Variants in SLC44A5 observed in about 807,000 individuals in gnomAD.
The protein encoded by SLC44A5 is solute carrier family 44 member 5.
A neutral mutation model predicts 101.8 loss-of-function variants in SLC44A5; 57 were observed. The ratio of observed to expected loss-of-function variants is 0.56; its 90% CI spans 0.45 to 0.70. The LOEUF (loss-of-function observed/expected upper bound fraction) is 0.70. Ranked by LOEUF, SLC44A5 falls within the 30% of genes least tolerant of loss-of-function variation. SLC44A5 has a pLI of 0.00. For synonymous variants in SLC44A5, 281 were observed against 290.9 expected (o/e 0.97, Z 0.35); for missense variants, 737 against 853.1 (o/e 0.86, Z 1.70).
Position 75,316,022 on chromosome 1 carries a change from C to T in SLC44A5, c.102-15337G>A, listed in dbSNP as rs369938910. Among the ~76,000 whole-genome samples the T allele has an allele frequency of 3.4e-4, 52 of 152,326 alleles. 1 individual carries two copies. The highest frequency in any genetic ancestry group is 1.1e-3 in the African/African-American group (47 of 41,574). On this transcript the variant is annotated intron_variant, in intron 4 of 23. Transcript: ENST00000370859. Reference sequence around the variant, plus strand: ...GAGTGATAGCACAGCCTCCAGACAGCGTCTTGCCCTTTTTGGCCCCTAATC... The same window carrying T: ...GAGTGATAGCACAGCCTCCAGACAGTGTCTTGCCCTTTTTGGCCCCTAATC...
At chr1:75,650,636 T>G in the SLC44A5 span, among the ~76,000 whole-genome samples, 1 of 152,246 alleles carries the variant, frequency 6.6e-6, no homozygotes, top group South Asian at 2.1e-4. Flanking sequence ...ATAAGTCTTA[T>G]TAGAATGACA....
At chr1:75,684,045 C>T in the SLC44A5 span, among the ~76,000 whole-genome samples, 4 of 152,066 alleles carry the variant, frequency 2.6e-5, no homozygotes, top group Non-Finnish European at 5.9e-5. Context: ...CTGGGAAGAC[C>T]TCACAATTAT....
In SLC44A5 at chr1:75,271,356, T is replaced by C. The variant is rs1570530702; in HGVS notation, c.260+3602A>G. Among the ~76,000 whole-genome samples, 4 of 152,098 alleles carry C rather than the reference T, an allele frequency of 2.6e-5. No individual in the cohort carries two copies. The South Asian group carries it at 8.3e-4, about 31-fold the overall frequency. The stretch of plus-strand genomic sequence containing the variant: ...ATTTTTGGTTCCATGGATGAATTCT[T>C]AGGTGGTGAATTCTGAGATTTTAGC... On this transcript the variant is annotated intron_variant, in intron 6 of 23. Transcript: ENST00000370859.
intron 3 of SLC44A5, among the ~76,000 whole-genome samples, chr1:75,388,048 C>G (rs1280852111): frequency 7.9e-6 from 1 of 126,286 alleles, no homozygotes; most frequent in Non-Finnish European, 1.6e-5. Flanking sequence ...ATATCACACT[C>G]TGGTGACTGT....
rs1671346604 is a variant in SLC44A5, at chr1:75,541,354, T to C, written c.13+81A>G. On this transcript the variant is annotated intron_variant, in intron 2 of 23. Coordinates refer to ENST00000370859, the MANE Select transcript of SLC44A5 (RefSeq NM_001130058.2). ...TAGTATATACTCATTTTTCTATTTG[T>C]CCTTATTTAATATTAAATAAAAAAG... 10 of 1,072,176 alleles carry C rather than the reference T, an allele frequency of 9.3e-6. No individual in the cohort carries two copies. In the South Asian group the frequency reaches 1.1e-4, roughly 11 times the overall value. The allele number at this position is 1,072,176 out of a possible 1,614,324, so 66.4% of individuals were successfully genotyped here.
intron 3 of SLC44A5, 114 bp downstream of exon 3, chr1:75,396,469 T>G (rs1033778474): frequency 2.2e-6 from 2 of 913,170 alleles, no homozygotes; most frequent in East Asian, 4.9e-5. Flanking sequence ...TCAGCAATTA[T>G]TCTTTACCAA....
In SLC44A5 at chr1:75,214,695, C is replaced by A; in HGVS notation, c.1729-17G>T. ...TATTGCAATCTGAGGAAGACAGTGG[C>A]TATTATTCTGGAGCCAGTAACATAC... On this transcript the variant is annotated splice_polypyrimidine_tract_variant and intron_variant, in intron 19 of 23. Transcript: ENST00000370859. 2 of 1,605,144 alleles carry A rather than the reference C, an allele frequency of 1.2e-6. No individual in the cohort carries two copies. Among genetic ancestry groups the A allele is most frequent in the Middle Eastern group, 1.7e-4 (1 of 6,028 alleles).
At chr1:75,576,013 G>C in intron 1 of SLC44A5, among the ~76,000 whole-genome samples, 1 of 151,798 alleles carries the variant, frequency 6.6e-6, no homozygotes, top group East Asian at 1.9e-4. Flanking sequence ...TAGCCAAAAT[G>C]AGAACGGTTG....
chr1:75,497,717 T>C lies in SLC44A5; in HGVS notation c.13+43718A>G, dbSNP rs573620145. The stretch of plus-strand genomic sequence containing the variant: ...TATTCAGTTTGTAGTAATCAGTTTC[T>C]TTTGTATATGTATATCAAAACAATA... On this transcript the variant is annotated intron_variant, in intron 2 of 23. Coordinates refer to ENST00000370859, the MANE Select transcript of SLC44A5 (RefSeq NM_001130058.2). Among the ~76,000 whole-genome samples, 5 of 152,280 alleles carry C rather than the reference T, an allele frequency of 3.3e-5. No individual in the cohort carries two copies. In the East Asian group the frequency reaches 9.7e-4, roughly 29 times the overall value.
intron 2 of SLC44A5, among the ~76,000 whole-genome samples, chr1:75,443,724 G>C (rs980340091): frequency 2.6e-5 from 4 of 151,256 alleles, no homozygotes; most frequent in Admixed American, 1.3e-4. Context: ...TTATTATCTA[G>C]TATAATCTTA....
At chr1:75,269,524 T>C (rs1022205970) in intron 6 of SLC44A5, among the ~76,000 whole-genome samples, 8 of 152,014 alleles carry the variant, frequency 5.3e-5, no homozygotes, top group African/African-American at 1.2e-4. Flanking sequence ...GTTACTTCTA[T>C]GGTTTTATAT....
chr1:75,203,934 T>TATG, intron 23 of SLC44A5, 101 bp from the exon 24 acceptor site: 1 of 1,071,438 alleles, frequency 9.3e-7, no homozygotes, highest in Non-Finnish European at 1.2e-6. Context: ...TCAAAATCCT[T>TATG]TTGTTGTTTT....
chr1:75,653,031 G>T, the SLC44A5 span, among the ~76,000 whole-genome samples: 6,693 of 152,188 alleles, frequency 0.044, 204 homozygotes, highest in African/African-American at 0.092. Flanking sequence ...TTCTGTGATT[G>T]AAACTTCCTC....
the SLC44A5 span, among the ~76,000 whole-genome samples, chr1:75,662,246 G>A: frequency 6.6e-6 from 1 of 152,046 alleles, no homozygotes. Context: ...AAATAAGATA[G>A]GCACTAAAAG....
chr1:75,518,830 G>A (rs1255719803), intron 2 of SLC44A5, among the ~76,000 whole-genome samples: 1 of 152,198 alleles, frequency 6.6e-6, no homozygotes, highest in Non-Finnish European at 1.5e-5. Context: ...ATTAGTAGTT[G>A]CCTAGGGCTG....
rs919279355 is a variant in SLC44A5, at chr1:75,242,957, A to G, written c.400T>C (p.Leu134=). The G allele has an allele frequency of 1.2e-6, 2 of 1,612,486 alleles. No individual in the cohort carries two copies. The highest frequency in any genetic ancestry group is 2.7e-5 in the African/African-American group (2 of 74,824). ...KFLTYVEMQL[L]YTKDKSYWED... is the part of the protein sequence containing the mutation. ...CAGTAGCTTTTGTCTTTTGTGTACA[A>G]AAGTTGCATTTCCACATAGGTTAAA... The change falls in exon 8 of 24, where the codon TTG becomes CTG. Residue 134 remains leucine (L), a synonymous_variant. Transcript: ENST00000370859.
At chr1:75,484,285 T>C (rs1301026532) in intron 2 of SLC44A5, among the ~76,000 whole-genome samples, 1 of 152,146 alleles carries the variant, frequency 6.6e-6, no homozygotes, top group Non-Finnish European at 1.5e-5. Flanking sequence ...CAAGATGCAA[T>C]GGGGGTACAG....
chr1:75,611,973 T>TA (rs1675676380), upstream of SLC44A5, among the ~76,000 whole-genome samples: 1 of 152,126 alleles, frequency 6.6e-6, no homozygotes, highest in Admixed American at 6.5e-5. Flanking sequence ...TCCTAAGACT[T>TA]ACTTGCATTG....
chr1:75,719,882 T>C, the SLC44A5 span, among the ~76,000 whole-genome samples: 1 of 152,304 alleles, frequency 6.6e-6, no homozygotes, highest in African/African-American at 2.4e-5. Flanking sequence ...TTTCAAAGGC[T>C]CTGGGACCAT....
Sources: allele counts gnomAD v4.1 joint callset (sites outside exome capture counted in the v4.1 genomes callset), GRCh38; gene constraint gnomAD v4.1.1; transcripts MANE v1.5; gene names NCBI Gene and HGNC (gene_info 2026-07-23, HGNC 2026-07-21).